CAMK1D: variants seen among roughly 807,000 people sequenced by gnomAD.
The protein encoded by CAMK1D is calcium/calmodulin-dependent protein kinase type 1D.
In CAMK1D, 9 loss-of-function variants were observed where a neutral mutation model predicts 47.7. That is an observed-to-expected ratio of 0.19 (90% confidence interval 0.11 to 0.33). The LOEUF is 0.33. Among genes scored for constraint, CAMK1D ranks in the 10% least tolerant of loss-of-function variants. The pLI is 1.00. For synonymous variants in CAMK1D, 184 were observed against 184.9 expected (o/e 0.99, Z 0.04); for missense variants, 291 against 488.7 (o/e 0.60, Z 3.81).
chr10:12,397,592 A>G (rs915708646), intron 1 of CAMK1D, among the ~76,000 whole-genome samples: 1 of 152,124 alleles, frequency 6.6e-6, no homozygotes, highest in Non-Finnish European at 1.5e-5. Flanking sequence ...GAGGGCTAGT[A>G]TTTCAGCCAT....
At chr10:12,449,981 G>C (rs1343704039) in intron 1 of CAMK1D, among the ~76,000 whole-genome samples, 2 of 152,116 alleles carry the variant, frequency 1.3e-5, no homozygotes, top group African/African-American at 4.8e-5. Context: ...CTGGGCGACA[G>C]AGCGAGACTC....
At chr10:12,601,471 T>C (rs930111985) in intron 2 of CAMK1D, among the ~76,000 whole-genome samples, 9 of 152,138 alleles carry the variant, frequency 5.9e-5, no homozygotes, top group Non-Finnish European at 1.2e-4. Context: ...ATTTCTTCTT[T>C]TTTGTTTTTT....
intron 3 of CAMK1D, among the ~76,000 whole-genome samples, chr10:12,736,814 A>G (rs1289330369): frequency 6.6e-6 from 1 of 152,168 alleles, no homozygotes; most frequent in Non-Finnish European, 1.5e-5. Flanking sequence ...AGAGAAACCC[A>G]CGAGGAACTG....
chr10:12,441,307 T>C (rs1832777043), intron 1 of CAMK1D, among the ~76,000 whole-genome samples: 1 of 152,116 alleles, frequency 6.6e-6, no homozygotes, highest in Non-Finnish European at 1.5e-5. Context: ...AAGTGATCCT[T>C]CTGCCTCAGC....
At chr10:12,657,442 A>ATAAATAAATAAATAAAT (rs1840150387) in intron 2 of CAMK1D, among the ~76,000 whole-genome samples, 1 of 151,806 alleles carries the variant, frequency 6.6e-6, no homozygotes, top group South Asian at 2.1e-4. Context: ...AAATAAATAA[A>ATAAATAAATAAATAAAT]TAAATAAATA....
At chr10:12,662,651 C>CAAAAAAAAAAA (rs56807588) in intron 2 of CAMK1D, among the ~76,000 whole-genome samples, 4 of 140,434 alleles carry the variant, frequency 2.8e-5, no homozygotes, top group Non-Finnish European at 4.7e-5. Flanking sequence ...CACTCTGCCT[C>CAAAAAAAAAAA]AAAAAAAAAA....
At chr10:12,415,191 C>T (rs1196740886) in intron 1 of CAMK1D, among the ~76,000 whole-genome samples, 1 of 121,500 alleles carries the variant, frequency 8.2e-6, no homozygotes, top group Admixed American at 8.2e-5. Flanking sequence ...ACTTAAAATG[C>T]ATGTGATATT....
At chr10:12,424,734 A>G (rs1411092304) in intron 1 of CAMK1D, among the ~76,000 whole-genome samples, 1 of 152,158 alleles carries the variant, frequency 6.6e-6, no homozygotes, top group East Asian at 1.9e-4. Flanking sequence ...ACTTGAGCCC[A>G]GGAGATCACG....
At chr10:12,673,290 CGTAA>C (rs141866127) in intron 3 of CAMK1D, among the ~76,000 whole-genome samples, 2,217 of 152,154 alleles carry the variant, frequency 0.015, 40 homozygotes, top group South Asian at 0.12. Context: ...GATTAATAAA[CGTAA>C]GTGTTTTCAT....
At chr10:12,613,261 T>G (rs1235681547) in intron 2 of CAMK1D, among the ~76,000 whole-genome samples, 1 of 152,224 alleles carries the variant, frequency 6.6e-6, no homozygotes, top group East Asian at 1.9e-4. Flanking sequence ...AATTGGCACC[T>G]AAGCGTGATA....
At chr10:12,666,250 C>T (rs1840427192) in intron 2 of CAMK1D, among the ~76,000 whole-genome samples, 1 of 151,974 alleles carries the variant, frequency 6.6e-6, no homozygotes, top group Non-Finnish European at 1.5e-5. Flanking sequence ...CATGGACATG[C>T]CAGAGAAACT....
chr10:12,352,120 A>C (rs1246282784), intron 1 of CAMK1D, among the ~76,000 whole-genome samples: 1 of 152,224 alleles, frequency 6.6e-6, no homozygotes, highest in Admixed American at 6.5e-5. Context: ...AAACTAAGGC[A>C]GCAGAGATAA....
chr10:12,610,923 C>T (rs1327239734), intron 2 of CAMK1D, among the ~76,000 whole-genome samples: 4 of 152,216 alleles, frequency 2.6e-5, no homozygotes, highest in Middle Eastern at 3.4e-3. Flanking sequence ...ATTGGAGACC[C>T]GATAACCCCT....
intron 1 of CAMK1D, among the ~76,000 whole-genome samples, chr10:12,497,534 T>A (rs1478763809): frequency 6.6e-6 from 1 of 151,920 alleles, no homozygotes; most frequent in Non-Finnish European, 1.5e-5. Context: ...GGGCTTAAAT[T>A]CTATTAGGTT....
At chr10:12,429,072 G>C (rs1419325062) in intron 1 of CAMK1D, among the ~76,000 whole-genome samples, 1 of 152,136 alleles carries the variant, frequency 6.6e-6, no homozygotes, top group Non-Finnish European at 1.5e-5. Context: ...AGGAATGGGG[G>C]TATGGTGTGG....
chr10:12,695,798 G>A (rs1351571500), intron 3 of CAMK1D, among the ~76,000 whole-genome samples: 1 of 152,172 alleles, frequency 6.6e-6, no homozygotes, highest in Non-Finnish European at 1.5e-5. Flanking sequence ...AGGAATACTG[G>A]CCGGGCATGG....
At chr10:12,539,856 C>T (rs1340737908) in intron 1 of CAMK1D, among the ~76,000 whole-genome samples, 1 of 152,134 alleles carries the variant, frequency 6.6e-6, no homozygotes, top group Non-Finnish European at 1.5e-5. Context: ...TTTATTTGCC[C>T]TGGAGTGTTG....
intron 6 of CAMK1D, among the ~76,000 whole-genome samples, chr10:12,804,373 G>A (rs773568825): frequency 4.6e-4 from 70 of 152,082 alleles, no homozygotes; most frequent in Non-Finnish European, 7.4e-4. Context: ...CAGCACTTTG[G>A]GAGGCAGAGG....
At chr10:12,457,517 G>A (rs1013656796) in intron 1 of CAMK1D, among the ~76,000 whole-genome samples, 11 of 152,132 alleles carry the variant, frequency 7.2e-5, no homozygotes, top group African/African-American at 2.7e-4. Context: ...GCCGGGCGCA[G>A]TGGCTCACAC....
Sources: allele counts gnomAD v4.1 joint callset (sites outside exome capture counted in the v4.1 genomes callset), GRCh38; gene constraint gnomAD v4.1.1; transcripts MANE v1.5; gene names NCBI Gene and HGNC (gene_info 2026-07-23, HGNC 2026-07-21).